The following MORC3 variants were observed in gnomAD, a reference collection of about 807,000 sequenced individuals.
The protein encoded by MORC3 is MORC family CW-type zinc finger protein 3.
MORC3 carries 31 observed loss-of-function variants against 109.1 expected under a neutral mutation model. That is an observed-to-expected ratio of 0.28 (90% confidence interval 0.21 to 0.38). The LOEUF (loss-of-function observed/expected upper bound fraction) is 0.38, where lower values mean the gene tolerates loss of function less well. Among genes scored for constraint, MORC3 ranks in the 10% least tolerant of loss-of-function variants. The pLI, the probability that MORC3 is intolerant of heterozygous loss-of-function variation, is 1.00. For synonymous variants in MORC3, 395 were observed against 380.7 expected, an observed-to-expected ratio of 1.04 and a Z score of -0.44; for missense variants, 867 against 1,135.8, an observed-to-expected ratio of 0.76 and a Z score of 3.40.
Position 36,372,365 on chromosome 21 carries a change from T to G in MORC3, c.2509-9T>G. 6.4e-7 allele frequency: 1 copy of G among 1,553,852 alleles called. No homozygotes were observed. The highest frequency in any genetic ancestry group is 8.6e-7 in the Non-Finnish European group (1 of 1,158,120). Reference sequence around the variant, plus strand: ...TTACAGTTATAAAGCTCATTTATATTTTTGTTAGGTTGAATTGCTGGAAAT... The same window carrying G: ...TTACAGTTATAAAGCTCATTTATATGTTTGTTAGGTTGAATTGCTGGAAAT... On this transcript the variant is annotated splice_polypyrimidine_tract_variant and intron_variant, in intron 15 of 16. Coordinates refer to ENST00000400485, the MANE Select transcript of MORC3 (RefSeq NM_015358.3).
At chr21:36,338,031 T>G (rs1281771628) in intron 4 of MORC3, 85 bp downstream of exon 4, 1 of 1,383,816 alleles carries the variant, frequency 7.2e-7, no homozygotes. Context: ...TTCTTCCAGA[T>G]TATTCCCTTT....
At chr21:36,370,738 C>T (rs1017616728) in intron 15 of MORC3, among the ~76,000 whole-genome samples, 15 of 144,814 alleles carry the variant, frequency 1.0e-4, no homozygotes, top group African/African-American at 3.1e-4. Context: ...GGCCCAATCT[C>T]GGCTCACTGC....
chr21:36,362,578 T>G (rs1426991227), intron 13 of MORC3, among the ~76,000 whole-genome samples: 3 of 152,046 alleles, frequency 2.0e-5, no homozygotes, highest in African/African-American at 7.2e-5. Flanking sequence ...GGTCTCACTG[T>G]GTTGACCAGG....
rs1259571503 is a variant in MORC3 at position 36,369,367 on chromosome 21, A to G, written c.1999A>G (p.Ile667Val). 3 of 1,614,134 alleles carry G rather than the reference A, an allele frequency of 1.9e-6. No individual in the cohort carries two copies. The African/African-American group carries it at 4.0e-5, about 22-fold the overall frequency. Residue 667 changes from isoleucine to valine, a missense_variant, in exon 15 of 17, where the codon ATT becomes GTT. This residue lies in a region of MORC3 where 486 missense variants were observed against 502.1 expected (regional missense o/e 0.97). Coordinates refer to ENST00000400485, the MANE Select transcript of MORC3 (RefSeq NM_015358.3). ...GATAGACGTAAGAAATGATGCAGTG[A>G]TTCTGCCCTCCTGTGTAGAAGCTGA... ...DEIDVRNDAVILPSCVEAEAK... is the reference protein window; with the variant it reads ...DEIDVRNDAVVLPSCVEAEAK...
At chr21:36,360,781 G>T (rs117041908) in intron 12 of MORC3, 4,196 of 155,202 alleles carry the variant, frequency 0.027, 77 homozygotes, top group Admixed American at 0.049. Flanking sequence ...TTTACTCAGT[G>T]TAGCTAGAGT....
chr21:36,340,269 C>A (rs1027039698), intron 5 of MORC3, among the ~76,000 whole-genome samples: 1 of 143,680 alleles, frequency 7.0e-6, no homozygotes, highest in Non-Finnish European at 1.5e-5. Flanking sequence ...AAGAGCGAGA[C>A]TCTGTCTCAA....
chr21:36,364,605 G>T (rs1039816553), intron 14 of MORC3, among the ~76,000 whole-genome samples: 1 of 151,804 alleles, frequency 6.6e-6, no homozygotes, highest in Non-Finnish European at 1.5e-5. Context: ...CTGAGGCTGA[G>T]GCTGCACCCC....
intron 5 of MORC3, among the ~76,000 whole-genome samples, chr21:36,340,449 A>G (rs953377851): frequency 1.3e-5 from 2 of 151,766 alleles, no homozygotes; most frequent in Non-Finnish European, 2.9e-5. Flanking sequence ...ATCCGTGGCA[A>G]CCTCTAATCT....
At chr21:36,329,155 C>T (rs2085284104) in intron 1 of MORC3, among the ~76,000 whole-genome samples, 2 of 151,986 alleles carry the variant, frequency 1.3e-5, no homozygotes, top group Non-Finnish European at 2.9e-5. Flanking sequence ...ATTAGCTGGG[C>T]GTGGTGGCAG....
chr21:36,357,385 A>G (rs2085656665), intron 10 of MORC3, among the ~76,000 whole-genome samples: 1 of 152,156 alleles, frequency 6.6e-6, no homozygotes, highest in South Asian at 2.1e-4. Context: ...GATGCAGCTC[A>G]GTGTATAGAC....
Position 36,376,377 on chromosome 21 carries a change from CTATT to C in MORC3, c.*1087_*1090del, listed in dbSNP as rs2085929588. ...TATTTTTTCCAAAGTTTTATCATTG[CTATT>C]TATTTTTACCTTTGTTTTTGAACAT... On this transcript the variant is annotated 3_prime_UTR_variant, in exon 17 of 17. Coordinates refer to ENST00000400485, the MANE Select transcript of MORC3 (RefSeq NM_015358.3). 6.6e-6 allele frequency: 1 copy of C among 152,470 alleles called. No homozygotes were observed. The highest frequency in any genetic ancestry group is 1.5e-5 in the Non-Finnish European group (1 of 68,004). 9.4% of individuals were successfully genotyped at this position (152,470 alleles called of 1,614,324 possible).
chr21:36,371,588 T>C (rs567227991), intron 15 of MORC3, among the ~76,000 whole-genome samples: 17 of 152,334 alleles, frequency 1.1e-4, no homozygotes, highest in African/African-American at 3.6e-4. Context: ...ATTGTATTGG[T>C]ATGCAAAGTG....
intron 1 of MORC3, among the ~76,000 whole-genome samples, chr21:36,321,972 T>C (rs1601503281): frequency 6.6e-6 from 1 of 152,078 alleles, no homozygotes; most frequent in Non-Finnish European, 1.5e-5. Flanking sequence ...ATGTGCTGGG[T>C]CTTTGTTTTG....
intron 10 of MORC3, among the ~76,000 whole-genome samples, chr21:36,358,072 C>T (rs1235615628): frequency 6.6e-6 from 1 of 151,050 alleles, no homozygotes; most frequent in Admixed American, 6.6e-5. Flanking sequence ...TATCTAAATG[C>T]TTTTTCAAAG....
chr21:36,360,283 G>A (rs1569105152), intron 12 of MORC3, 25 bp downstream of exon 12: 1 of 1,587,364 alleles, frequency 6.3e-7, no homozygotes, highest in Non-Finnish European at 8.6e-7. Flanking sequence ...GATGTATAGT[G>A]GGTAATAATG....
intron 7 of MORC3, 23 bp downstream of exon 7, chr21:36,344,730 T>TA: frequency 1.9e-6 from 3 of 1,611,812 alleles, no homozygotes; most frequent in Non-Finnish European, 2.5e-6. Flanking sequence ...TGATTCCTTA[T>TA]AGAGATATGT....
At chr21:36,323,937 G>A (rs531315276) in intron 1 of MORC3, among the ~76,000 whole-genome samples, 125 of 151,698 alleles carry the variant, frequency 8.2e-4, no homozygotes, top group Non-Finnish European at 1.6e-3. Flanking sequence ...GTGCAAGGGC[G>A]TGATCTCGGC....
At chr21:36,338,032 T>C (rs2085393511) in intron 4 of MORC3, 86 bp downstream of exon 4, 1 of 1,384,226 alleles carries the variant, frequency 7.2e-7, no homozygotes, top group South Asian at 1.3e-5. Flanking sequence ...TCTTCCAGAT[T>C]ATTCCCTTTG....
chr21:36,362,201 G>A lies in MORC3; in HGVS notation c.1425G>A (p.Arg475=), dbSNP rs751785661. Residue 475 remains arginine (R), a synonymous_variant, in exon 13 of 17, where the codon AGG becomes AGA. Coordinates refer to ENST00000400485, the MANE Select transcript of MORC3 (RefSeq NM_015358.3). ...TTTAAAGCAACAAGGAAAAATTCAG[G>A]ATCAGACAACCGGAAATGATCCCTC... ...TYKKTNKEKF[R]IRQPEMIPRI... 13 of 1,611,516 alleles carry A rather than the reference G, an allele frequency of 8.1e-6. No homozygotes were observed. The Admixed American group carries it at 1.3e-4, about 17-fold the overall frequency.
Sources: gnomAD v4.1 joint callset for allele counts (sites outside exome capture counted in the v4.1 genomes callset) on GRCh38, gnomAD v4.1.1 for gene constraint, gnomAD v4.1.1 regional missense constraint, MANE v1.5 for transcripts, NCBI Gene and HGNC (gene_info 2026-07-23, HGNC 2026-07-21) for gene names.